SZRD1: variants seen among roughly 807,000 people sequenced by gnomAD.
SZRD1 encodes SUZ RNA-binding domain-containing.
In SZRD1, 7 loss-of-function variants were observed where a neutral mutation model predicts 17.6. The ratio of observed to expected loss-of-function variants is 0.40; its 90% CI spans 0.23 to 0.75. The LOEUF is 0.75. Ranked by LOEUF, SZRD1 falls within the 30% of genes least tolerant of loss-of-function variation. The pLI, the probability that SZRD1 is intolerant of heterozygous loss-of-function variation, is 0.38. For missense variants in SZRD1, 178 were observed against 201.8 expected, an observed-to-expected ratio of 0.88 and a Z score of 0.71; for synonymous variants, 77 against 77.9, an observed-to-expected ratio of 0.99 and a Z score of 0.06.
At chr1:16,389,274 G>T (rs536029241) in intron 1 of SZRD1, among the ~76,000 whole-genome samples, 1 of 132,992 alleles carries the variant, frequency 7.5e-6, no homozygotes, top group Non-Finnish European at 1.6e-5. Flanking sequence ...TTTGAGGGGG[G>T]GTGGGGGGGG....
chr1:16,394,637 A>G (rs930502205), intron 3 of SZRD1, among the ~76,000 whole-genome samples: 17 of 152,174 alleles, frequency 1.1e-4, no homozygotes, highest in Non-Finnish European at 2.5e-4. Context: ...AGCCAGAGTG[A>G]CGTGGGCCCA....
chr1:16,392,963 A>G (rs891966994), intron 2 of SZRD1, among the ~76,000 whole-genome samples: 3 of 152,224 alleles, frequency 2.0e-5, no homozygotes, highest in Admixed American at 6.5e-5. Context: ...TAGAAGTGCC[A>G]GAATGAGGTG....
chr1:16,392,788 GA>G, intron 2 of SZRD1, among the ~76,000 whole-genome samples: 1 of 152,278 alleles, frequency 6.6e-6, no homozygotes, highest in East Asian at 1.9e-4. Flanking sequence ...TTGGCTGAGT[GA>G]ACACTGCTGA....
At chr1:16,368,952 GCTTA>G (rs1160496474) in intron 1 of SZRD1, among the ~76,000 whole-genome samples, 1 of 152,144 alleles carries the variant, frequency 6.6e-6, no homozygotes, top group Non-Finnish European at 1.5e-5. Context: ...AGAAATTGGG[GCTTA>G]CTTTAGTTTT....
Position 16,395,469 on chromosome 1 carries a change from A to G in SZRD1, c.*329A>G, listed in dbSNP as rs1459411944. On this transcript the variant is annotated 3_prime_UTR_variant, in exon 4 of 4. Coordinates refer to ENST00000401088, the MANE Select transcript of SZRD1 (RefSeq NM_001114600.3). ...AGTGCCACTTGGCCACTTGGGGTAAAGCCAGTGCCAGCAATAACAGTTTAT... is the reference window on the plus strand; with the variant it reads ...AGTGCCACTTGGCCACTTGGGGTAAGGCCAGTGCCAGCAATAACAGTTTAT... 3 of 344,560 alleles carry G rather than the reference A, an allele frequency of 8.7e-6. No homozygotes were observed. The highest frequency in any genetic ancestry group is 1.6e-5 in the Non-Finnish European group (3 of 181,842). The allele number at this position is 344,560 out of a possible 1,614,324, so 21.3% of individuals were successfully genotyped here. A position where few individuals can be genotyped will look rare whatever the true frequency, so the allele number is the denominator to read the frequency against.
At chr1:16,370,984 T>C (rs1485647743) in intron 1 of SZRD1, among the ~76,000 whole-genome samples, 1 of 152,214 alleles carries the variant, frequency 6.6e-6, no homozygotes, top group African/African-American at 2.4e-5. Flanking sequence ...CTTTCATATA[T>C]AGGCAATTGC....
chr1:16,389,279 G>C (rs148439586), intron 1 of SZRD1, among the ~76,000 whole-genome samples: 3 of 139,556 alleles, frequency 2.1e-5, no homozygotes, highest in Non-Finnish European at 3.1e-5. Context: ...GGGGGGGTGG[G>C]GGGGGGGCAG....
In SZRD1 at chr1:16,391,840, A is replaced by G. The variant is rs895602985; in HGVS notation, c.101+416A>G. 6.6e-6 allele frequency among the ~76,000 whole-genome samples: 1 copy of G among 152,134 alleles called. No individual in the cohort carries two copies. Among genetic ancestry groups the G allele is most frequent in the Non-Finnish European group, 1.5e-5 (1 of 68,020 alleles). On this transcript the variant is annotated intron_variant, in intron 2 of 3. Transcript: ENST00000401088. This position sits in a 1 kb window ranked among gnomAD's most constrained non-coding sequence, Gnocchi z 4.3. The stretch of plus-strand genomic sequence containing the variant: ...CCCCAGTGACTTGGTGGTCTAGGGT[A>G]TTATGAGGGTATCCTGGAAGAAAAC...
chr1:16,387,021 C>T, intron 1 of SZRD1: 1 of 275,330 alleles, frequency 3.6e-6, no homozygotes, highest in Non-Finnish European at 7.1e-6. Flanking sequence ...CCTCATCTGA[C>T]AGAAGGATAA....
At chr1:16,376,822 A>AAC (rs1405136900) in intron 1 of SZRD1, among the ~76,000 whole-genome samples, 3 of 151,606 alleles carry the variant, frequency 2.0e-5, no homozygotes, top group Non-Finnish European at 2.9e-5. Context: ...AAAAAAAAAA[A>AAC]AACGTTGCTC....
intron 2 of SZRD1, among the ~76,000 whole-genome samples, chr1:16,392,811 A>G (rs2100749645): frequency 6.6e-6 from 1 of 152,334 alleles, no homozygotes; most frequent in East Asian, 1.9e-4. Flanking sequence ...CCCCAAGTTC[A>G]AAGGCTCCCA....
At chr1:16,385,152 G>A (rs1015297179) in intron 1 of SZRD1, among the ~76,000 whole-genome samples, 1 of 152,164 alleles carries the variant, frequency 6.6e-6, no homozygotes, top group African/African-American at 2.4e-5. Flanking sequence ...TGGGAGTCGT[G>A]TTGGTGACAC....
chr1:16,372,162 C>A (rs1445518591), intron 1 of SZRD1, among the ~76,000 whole-genome samples: 1 of 151,644 alleles, frequency 6.6e-6, no homozygotes, highest in African/African-American at 2.4e-5. Context: ...GTCCTATATC[C>A]CCAATTGTTT....
rs944637330 is a variant in SZRD1 at position 16,395,371 on chromosome 1, A to G, written c.*231A>G. The G allele has an allele frequency of 1.8e-6, 1 of 542,508 alleles. No homozygotes were observed. The allele number at this position is 542,508 out of a possible 1,614,324, so 33.6% of individuals were successfully genotyped here. The stretch of plus-strand genomic sequence containing the variant: ...TGGCACATCGACAAGGGCTGTCCCA[A>G]GTCAATGGAAAGGGAAAGGGTGGGG... On this transcript the variant is annotated 3_prime_UTR_variant, in exon 4 of 4. Coordinates refer to ENST00000401088, the MANE Select transcript of SZRD1 (RefSeq NM_001114600.3).
chr1:16,370,628 T>A (rs981131280), intron 1 of SZRD1, among the ~76,000 whole-genome samples: 2 of 147,230 alleles, frequency 1.4e-5, no homozygotes, highest in Admixed American at 1.4e-4. Context: ...CAGCTTTCAT[T>A]AAAAAAAAAA....
chr1:16,367,500 TC>T lies in SZRD1; in HGVS notation c.51+194del, dbSNP rs2082841495. ...GGGGCCGCGATCCATTTCTCTCCTT[TC>T]CTTTGCCTGGTGCGCCTCCCTCCGC... On this transcript the variant is annotated intron_variant, in intron 1 of 3. Coordinates refer to ENST00000401088, the MANE Select transcript of SZRD1 (RefSeq NM_001114600.3). Among the ~76,000 whole-genome samples, 3 of 152,122 alleles carry T rather than the reference TC, an allele frequency of 2.0e-5. No homozygotes were observed. The South Asian group carries it at 6.2e-4, about 31-fold the overall frequency.
At chr1:16,392,487 G>T (rs2085235262) in intron 2 of SZRD1, among the ~76,000 whole-genome samples, 2 of 152,088 alleles carry the variant, frequency 1.3e-5, no homozygotes, top group South Asian at 4.1e-4. Context: ...CTTGATGTAC[G>T]CGTCCACCAG....
intron 1 of SZRD1, among the ~76,000 whole-genome samples, chr1:16,389,276 TGG>T (rs201163423): frequency 2.5e-5 from 2 of 81,494 alleles, no homozygotes; most frequent in African/African-American, 3.9e-5. Flanking sequence ...TGAGGGGGGG[TGG>T]GGGGGGGGCA....
chr1:16,389,415 G>A (rs1392547971), intron 1 of SZRD1, among the ~76,000 whole-genome samples: 1 of 150,176 alleles, frequency 6.7e-6, no homozygotes, highest in Non-Finnish European at 1.5e-5. Flanking sequence ...CAGGCGTCCT[G>A]CCTCAGCCTT....
Sources: allele counts gnomAD v4.1 joint callset (sites outside exome capture counted in the v4.1 genomes callset), GRCh38; gene constraint gnomAD v4.1.1; non-coding constraint Gnocchi (gnomAD v3.1); transcripts MANE v1.5; gene names NCBI Gene and HGNC (gene_info 2026-07-23, HGNC 2026-07-21).